Variants in IQCJ observed in about 807,000 individuals in gnomAD.
IQCJ encodes IQ motif containing J.
In IQCJ, 9 loss-of-function variants were observed where a neutral mutation model predicts 11.0. The observed-to-expected ratio is 0.82, with a 90% CI of 0.49 to 1.43. The LOEUF (loss-of-function observed/expected upper bound fraction) is 1.43, where lower values mean the gene tolerates loss of function less well. IQCJ is among the 40% of genes most tolerant of loss of function. IQCJ has a pLI of 0.00. For synonymous variants in IQCJ, 55 were observed against 51.3 expected, an observed-to-expected ratio of 1.07 and a Z score of -0.31; for missense variants, 146 against 133.2, an observed-to-expected ratio of 1.10 and a Z score of -0.47.
intron 1 of IQCJ, among the ~76,000 whole-genome samples, chr3:159,140,372 A>G (rs1490162077): frequency 6.6e-6 from 1 of 152,176 alleles, no homozygotes; most frequent in Non-Finnish European, 1.5e-5. Context: ...GAGAAGGAAA[A>G]GAAGGTCCAG....
intron 1 of IQCJ, among the ~76,000 whole-genome samples, chr3:159,114,989 G>C (rs1718879030): frequency 1.3e-5 from 2 of 152,128 alleles, no homozygotes; most frequent in Admixed American, 1.3e-4. Context: ...ATCAAATCTG[G>C]AATAGTTAGC....
chr3:159,086,291 C>G (rs1350158238), intron 1 of IQCJ, among the ~76,000 whole-genome samples: 1 of 152,134 alleles, frequency 6.6e-6, no homozygotes, highest in Non-Finnish European at 1.5e-5. Flanking sequence ...TGTTTTGGTA[C>G]CAGTACCATG....
chr3:159,158,371 T>C (rs1033166587), intron 1 of IQCJ, among the ~76,000 whole-genome samples: 2 of 152,192 alleles, frequency 1.3e-5, no homozygotes, highest in Non-Finnish European at 2.9e-5. Context: ...GTTCTTCTGA[T>C]GAAGAACAAT....
At chr3:159,175,463 C>G in intron 1 of IQCJ, among the ~76,000 whole-genome samples, 1 of 152,066 alleles carries the variant, frequency 6.6e-6, no homozygotes, top group Non-Finnish European at 1.5e-5. Flanking sequence ...AGAGCAAGAC[C>G]CTGTCTCAAA....
intron 1 of IQCJ, among the ~76,000 whole-genome samples, chr3:159,114,527 T>G (rs1229083777): frequency 1.4e-5 from 2 of 138,486 alleles, no homozygotes; most frequent in East Asian, 4.3e-4. Flanking sequence ...GCCAGGCTGG[T>G]CTCGAACTCC....
At chr3:159,172,327 A>C (rs1351540995) in intron 1 of IQCJ, among the ~76,000 whole-genome samples, 2 of 152,188 alleles carry the variant, frequency 1.3e-5, no homozygotes, top group Non-Finnish European at 2.9e-5. Context: ...AAAATGTATA[A>C]ATGTTGTGAC....
chr3:159,217,455 A>G (rs754941458), intron 1 of IQCJ, among the ~76,000 whole-genome samples: 2 of 152,096 alleles, frequency 1.3e-5, no homozygotes, highest in African/African-American at 2.4e-5. Context: ...TGTAAGACAT[A>G]ATTTCTGCCA....
chr3:159,221,504 A>G (rs991703930), intron 1 of IQCJ, among the ~76,000 whole-genome samples: 1 of 152,174 alleles, frequency 6.6e-6, no homozygotes. Context: ...CCTGCAGAGA[A>G]TAAAGTCATG....
intron 1 of IQCJ, among the ~76,000 whole-genome samples, chr3:159,116,524 A>G (rs1454307838): frequency 6.6e-6 from 1 of 150,402 alleles, no homozygotes; most frequent in African/African-American, 2.4e-5. Context: ...TTGAGTTAAC[A>G]TTCCACCTCA....
chr3:159,108,284 T>C (rs1718398607), intron 1 of IQCJ, among the ~76,000 whole-genome samples: 1 of 152,192 alleles, frequency 6.6e-6, no homozygotes, highest in Non-Finnish European at 1.5e-5. Flanking sequence ...TAAAATTAGT[T>C]ACTTCATTTG....
intron 1 of IQCJ, among the ~76,000 whole-genome samples, chr3:159,155,157 T>C (rs936181562): frequency 4.9e-5 from 7 of 143,710 alleles, no homozygotes; most frequent in African/African-American, 2.1e-4. Flanking sequence ...CAACCAGTTA[T>C]TTATTTATTT....
chr3:159,107,542 C>T lies in IQCJ; in HGVS notation c.9+38101C>T, dbSNP rs777523424. On this transcript the variant is annotated intron_variant, in intron 1 of 3. Coordinates refer to ENST00000397832, the MANE Select transcript of IQCJ (RefSeq NM_001042706.3). ...TTTAAATTTATTTTCTGAGAAGTGA[C>T]AATCTACCAGATAATGAAGCTTCTG... Among the ~76,000 whole-genome samples the T allele has an allele frequency of 3.5e-4, 54 of 152,188 alleles. 1 individual carries two copies. Among genetic ancestry groups the T allele is most frequent in the Non-Finnish European group, 5.9e-5 (4 of 68,028 alleles).
intron 1 of IQCJ, among the ~76,000 whole-genome samples, chr3:159,076,191 C>T (rs557520730): frequency 6.6e-6 from 1 of 151,980 alleles, no homozygotes; most frequent in Admixed American, 6.6e-5. Flanking sequence ...TCCATCTGCT[C>T]ATCCTCACCT....
rs544938817 is a variant in IQCJ at position 159,248,917 on chromosome 3, T to G, written c.74+3010T>G. ...TGTCACCCAGGCTGGAATGCAGTGG[T>G]GTGATCTTGGCTCACTGCAACCTCC... On this transcript the variant is annotated intron_variant, in intron 2 of 3. Transcript: ENST00000397832. Among the ~76,000 whole-genome samples, 30 of 151,886 alleles carry G rather than the reference T, an allele frequency of 2.0e-4. 1 individual carries two copies. Among genetic ancestry groups the G allele is most frequent in the Admixed American group, 1.1e-3 (17 of 15,246 alleles).
intron 1 of IQCJ, among the ~76,000 whole-genome samples, chr3:159,242,888 ATAT>A (rs1024430559): frequency 6.6e-6 from 1 of 152,194 alleles, no homozygotes; most frequent in Non-Finnish European, 1.5e-5. Flanking sequence ...TTGGGAAGAA[ATAT>A]TAGCAACACA....
At chr3:159,070,826 T>A (rs1308246626) in intron 1 of IQCJ, among the ~76,000 whole-genome samples, 2 of 152,054 alleles carry the variant, frequency 1.3e-5, no homozygotes, top group African/African-American at 4.8e-5. Context: ...ATTAGCTTGT[T>A]AAGTGGAGCA....
intron 1 of IQCJ, among the ~76,000 whole-genome samples, chr3:159,231,771 T>C (rs1466879699): frequency 6.6e-6 from 1 of 152,176 alleles, no homozygotes; most frequent in Non-Finnish European, 1.5e-5. Flanking sequence ...GGGCTTTTAT[T>C]TGTTGGTAGG....
intron 1 of IQCJ, among the ~76,000 whole-genome samples, chr3:159,192,029 C>T (rs889252908): frequency 6.6e-6 from 1 of 152,152 alleles, no homozygotes; most frequent in African/African-American, 2.4e-5. Flanking sequence ...ACCTTTCCTC[C>T]TCAGAGAAGT....
chr3:159,108,744 A>G (rs1263138394), intron 1 of IQCJ, among the ~76,000 whole-genome samples: 1 of 152,238 alleles, frequency 6.6e-6, no homozygotes, highest in African/African-American at 2.4e-5. Context: ...TCATCTTGAT[A>G]CTTTCATATG....
Sources: allele counts gnomAD v4.1 joint callset (sites outside exome capture counted in the v4.1 genomes callset), GRCh38; gene constraint gnomAD v4.1.1; transcripts MANE v1.5; gene names NCBI Gene and HGNC (gene_info 2026-07-23, HGNC 2026-07-21).